MAN2A1: variants seen among roughly 807,000 people sequenced by gnomAD.
MAN2A1 encodes the protein alpha-mannosidase 2.
In MAN2A1, 76 loss-of-function variants were observed where a neutral mutation model predicts 142.6. That is an observed-to-expected ratio of 0.53 (90% CI 0.44 to 0.65). The LOEUF is 0.65. Ranked by LOEUF, MAN2A1 falls within the 30% of genes least tolerant of loss-of-function variation. The pLI, the probability that MAN2A1 is intolerant of heterozygous loss-of-function variation, is 0.00. For synonymous variants in MAN2A1, 559 were observed against 473.2 expected (o/e 1.18, Z -2.35); for missense variants, 1,311 against 1,365.1 (o/e 0.96, Z 0.62).
chr5:109,758,398 AT>A lies in MAN2A1; in HGVS notation c.835+2950del, dbSNP rs535926789. Among the ~76,000 whole-genome samples the A allele has an allele frequency of 1.1e-3, 166 of 151,554 alleles. 2 individuals are homozygous for A. Among genetic ancestry groups the A allele is most frequent in the African/African-American group, 3.7e-3 (155 of 41,378 alleles). On this transcript the variant is annotated intron_variant, in intron 5 of 21. Coordinates refer to ENST00000261483, the MANE Select transcript of MAN2A1 (RefSeq NM_002372.4). Reference sequence around the variant, plus strand: ...TTTATCTTTTTATTATTGACTTAGAATTTTTTTTATATATTGTGGTTAAAAG... The same window carrying A: ...TTTATCTTTTTATTATTGACTTAGAATTTTTTTATATATTGTGGTTAAAAG...
intron 20 of MAN2A1, among the ~76,000 whole-genome samples, chr5:109,858,762 T>C (rs1450230728): frequency 6.6e-6 from 1 of 152,250 alleles, no homozygotes; most frequent in East Asian, 1.9e-4. Flanking sequence ...AGCACCATGA[T>C]AGAGAGTGCC....
At chr5:109,834,433 TA>T (rs5870391) in intron 16 of MAN2A1, among the ~76,000 whole-genome samples, 111,339 of 151,522 alleles carry the variant, frequency 0.73, 41,953 homozygotes, top group East Asian at 0.92. Flanking sequence ...ATTAGTACTT[TA>T]AAAAAAAAAC....
intron 5 of MAN2A1, 89 bp downstream of exon 5, chr5:109,755,545 T>A: frequency 1.0e-6 from 1 of 980,154 alleles, no homozygotes; most frequent in Non-Finnish European, 1.5e-6. Flanking sequence ...TTCGAGTAAC[T>A]ATTTTCCCTG....
intron 1 of MAN2A1, among the ~76,000 whole-genome samples, chr5:109,694,941 A>T (rs1264308459): frequency 6.6e-6 from 1 of 152,120 alleles, no homozygotes; most frequent in African/African-American, 2.4e-5. Context: ...TCACGTTTGT[A>T]TGAGGGAGAT....
intron 1 of MAN2A1, among the ~76,000 whole-genome samples, chr5:109,695,231 T>A (rs1226292299): frequency 1.3e-5 from 2 of 152,226 alleles, no homozygotes; most frequent in Non-Finnish European, 2.9e-5. Flanking sequence ...TTGTTTTTTT[T>A]AAATTGAATT....
chr5:109,737,999 C>T (rs1218799548), intron 4 of MAN2A1, among the ~76,000 whole-genome samples: 5 of 152,056 alleles, frequency 3.3e-5, no homozygotes, highest in Admixed American at 6.6e-5. Context: ...GAGGTGTGTG[C>T]GTGTGCTTTG....
At chr5:109,755,706 T>A (rs541935590) in intron 5 of MAN2A1, among the ~76,000 whole-genome samples, 10 of 151,822 alleles carry the variant, frequency 6.6e-5, no homozygotes, top group Non-Finnish European at 1.3e-4. Context: ...GTTTTGGGAT[T>A]ATTTTAATTG....
At position 109,854,892 on chromosome 5, in the gene MAN2A1, A is replaced by G. The variant is rs568659670; in HGVS notation, c.2977-248A>G. 6 of 318,352 alleles carry G rather than the reference A, an allele frequency of 1.9e-5. No individual in the cohort carries two copies. The South Asian group carries it at 6.8e-4, about 36-fold the overall frequency. The allele number at this position is 318,352 out of a possible 1,614,324, so 19.7% of individuals were successfully genotyped here. ...AATGTTTGTAGGAAATGTTTTCAGT[A>G]TTTTTAGTATTAAATCAATGGAAGA... On this transcript the variant is annotated intron_variant, in intron 19 of 21. Coordinates refer to ENST00000261483, the MANE Select transcript of MAN2A1 (RefSeq NM_002372.4).
intron 16 of MAN2A1, among the ~76,000 whole-genome samples, chr5:109,841,386 ACATACAGT>A (rs1432195501): frequency 6.6e-6 from 1 of 152,186 alleles, no homozygotes; most frequent in Non-Finnish European, 1.5e-5. Context: ...ATCAGTGAGA[ACATACAGT>A]GTTTGGTTTT....
Position 109,855,349 on chromosome 5 carries a change from A to G in MAN2A1, c.3171+15A>G, listed in dbSNP as rs377629971. 6.8e-7 allele frequency: 1 copy of G among 1,477,294 alleles called. No homozygotes were observed. Among genetic ancestry groups the G allele is most frequent in the African/African-American group, 1.4e-5 (1 of 69,772 alleles). The allele number at this position is 1,477,294 out of a possible 1,614,324, so 91.5% of individuals were successfully genotyped here. A position where few individuals can be genotyped will look rare whatever the true frequency, so the allele number is the denominator to read the frequency against. ...TACAGTCAAAGGTATGTCTCAAAAT[A>G]TATCTTATAAAAAATTACTGTTTAT... On this transcript the variant is annotated intron_variant, in intron 20 of 21. Coordinates refer to ENST00000261483, the MANE Select transcript of MAN2A1 (RefSeq NM_002372.4).
intron 1 of MAN2A1, among the ~76,000 whole-genome samples, chr5:109,698,476 A>G (rs6869581): frequency 0.084 from 12,754 of 152,286 alleles, 625 homozygotes; most frequent in African/African-American, 0.15. Flanking sequence ...CTGAGTCCGA[A>G]CAAAATGGGG....
intron 16 of MAN2A1, chr5:109,840,780 G>T: frequency 3.5e-6 from 1 of 289,314 alleles, no homozygotes; most frequent in Admixed American, 4.5e-5. Context: ...CAAATACTGG[G>T]AACACTGGGA....
intron 20 of MAN2A1, among the ~76,000 whole-genome samples, chr5:109,855,687 A>G (rs1208677895): frequency 1.3e-5 from 2 of 152,188 alleles, no homozygotes; most frequent in Non-Finnish European, 2.9e-5. Flanking sequence ...AGTTATTTCT[A>G]TATCAGAGGC....
rs1404969830 is a variant in MAN2A1, at chr5:109,868,912, A to C, written c.*1914A>C. On this transcript the variant is annotated 3_prime_UTR_variant, in exon 22 of 22. Transcript: ENST00000261483. ...TGTGGTTAAGTGGGTGTGCTTAATCATTCTCGAAATTGTGATCAGATGAAA... is the reference window on the plus strand; with the variant it reads ...TGTGGTTAAGTGGGTGTGCTTAATCCTTCTCGAAATTGTGATCAGATGAAA... The C allele has an allele frequency of 3.3e-5, 5 of 152,104 alleles. No homozygotes were observed. The highest frequency in any genetic ancestry group is 7.3e-5 in the Non-Finnish European group (5 of 68,030). 9.4% of individuals were successfully genotyped at this position (152,104 alleles called of 1,614,324 possible). A position where few individuals can be genotyped will look rare whatever the true frequency, so the allele number is the denominator to read the frequency against.
chr5:109,802,009 T>C (rs558168886), intron 12 of MAN2A1, among the ~76,000 whole-genome samples: 2 of 152,320 alleles, frequency 1.3e-5, no homozygotes, highest in Admixed American at 1.3e-4. Flanking sequence ...TTCCTTATTC[T>C]TTGATTCATA....
intron 7 of MAN2A1, among the ~76,000 whole-genome samples, chr5:109,773,521 G>A (rs963250520): frequency 6.6e-6 from 1 of 151,172 alleles, no homozygotes; most frequent in Admixed American, 6.6e-5. Flanking sequence ...GTTTTTTATC[G>A]TAAGTAACCT....
Position 109,845,837 on chromosome 5 carries a change from T to C in MAN2A1, c.2701-28T>C, listed in dbSNP as rs762356069. Reference sequence around the variant, plus strand: ...AAAGAACATATGTAAATATCACTTTTTGTAGATGGAATTGTTGTGTTTTAT... The same window carrying C: ...AAAGAACATATGTAAATATCACTTTCTGTAGATGGAATTGTTGTGTTTTAT... On this transcript the variant is annotated intron_variant, in intron 17 of 21. Transcript: ENST00000261483. The C allele has an allele frequency of 5.7e-6, 9 of 1,589,248 alleles. No homozygotes were observed. The South Asian group carries it at 5.7e-5, about 10-fold the overall frequency.
chr5:109,710,190 A>G (rs1751255568), intron 1 of MAN2A1, among the ~76,000 whole-genome samples: 1 of 152,242 alleles, frequency 6.6e-6, no homozygotes, highest in Non-Finnish European at 1.5e-5. Flanking sequence ...CATTAATGAT[A>G]TCTTTAAAGC....
At chr5:109,851,150 G>A (rs1038352248) in intron 19 of MAN2A1, among the ~76,000 whole-genome samples, 23 of 152,226 alleles carry the variant, frequency 1.5e-4, no homozygotes, top group African/African-American at 5.5e-4. Flanking sequence ...AGTAAGTCCT[G>A]TCCTCAGAGA....
Sources: gnomAD v4.1 joint callset for allele counts (sites outside exome capture counted in the v4.1 genomes callset) on GRCh38, gnomAD v4.1.1 for gene constraint, MANE v1.5 for transcripts, NCBI Gene and HGNC (gene_info 2026-07-23, HGNC 2026-07-21) for gene names.